The following DNMT3B variants were observed in gnomAD, a reference collection of about 807,000 sequenced individuals.
The protein encoded by DNMT3B is DNA methyltransferase 3 beta.
Under a neutral mutation model 120.2 loss-of-function variants are expected in DNMT3B, and 37 were observed. The ratio of observed to expected loss-of-function variants is 0.31; its 90% confidence interval spans 0.24 to 0.40. DNMT3B has a LOEUF of 0.40. DNMT3B is among the 10% of genes least tolerant of loss of function. The pLI, the probability that DNMT3B is intolerant of heterozygous loss-of-function variation, is 1.00. For missense variants in DNMT3B, 878 were observed against 1,137.3 expected, an observed-to-expected ratio of 0.77 and a Z score of 3.28; for synonymous variants, 412 against 442.8, an observed-to-expected ratio of 0.93 and a Z score of 0.87.
chr20:32,807,730 G>T, intron 22 of DNMT3B, 32 bp from the exon 23 acceptor site: 1 of 1,613,250 alleles, frequency 6.2e-7, no homozygotes, highest in South Asian at 1.1e-5. Flanking sequence ...AGGCACTTCT[G>T]ACTTGCTGTC....
intron 11 of DNMT3B, 43 bp from the exon 12 acceptor site, chr20:32,795,607 C>A: frequency 6.2e-7 from 1 of 1,614,166 alleles, no homozygotes; most frequent in Non-Finnish European, 8.5e-7. Context: ...GATCTGTACC[C>A]GGCTCCCTGA....
chr20:32,763,106 G>T (rs773758020), intron 1 of DNMT3B, among the ~76,000 whole-genome samples: 4 of 152,150 alleles, frequency 2.6e-5, no homozygotes, highest in African/African-American at 4.8e-5. Flanking sequence ...TGGGCAGGGG[G>T]TGTAATTACC....
rs527620950 is a variant in DNMT3B, at chr20:32,805,250, T to G, written c.2232-88T>G. Reference sequence around the variant, plus strand: ...GCCAAGTTCACTGCCAGGGCACATCTCTGCAACATAGACCCTCACTCCCAC... The same window carrying G: ...GCCAAGTTCACTGCCAGGGCACATCGCTGCAACATAGACCCTCACTCCCAC... On this transcript the variant is annotated intron_variant, in intron 20 of 22. Coordinates refer to ENST00000328111, the MANE Select transcript of DNMT3B (RefSeq NM_006892.4). The G allele has an allele frequency of 2.9e-5, 44 of 1,499,698 alleles. No individual in the cohort carries two copies. In the South Asian group the frequency reaches 4.6e-4, roughly 16 times the overall value. 92.9% of individuals were successfully genotyped at this position (1,499,698 alleles called of 1,614,324 possible). A position where few individuals can be genotyped will look rare whatever the true frequency, so the allele number is the denominator to read the frequency against.
chr20:32,766,559 T>C (rs1197294086), intron 1 of DNMT3B, among the ~76,000 whole-genome samples: 1 of 152,172 alleles, frequency 6.6e-6, no homozygotes, highest in Non-Finnish European at 1.5e-5. Context: ...CAAAATAGCA[T>C]AGGTATGACC....
intron 1 of DNMT3B, among the ~76,000 whole-genome samples, chr20:32,774,342 T>C (rs910896413): frequency 6.6e-6 from 1 of 152,068 alleles, no homozygotes; most frequent in Middle Eastern, 3.4e-3. Flanking sequence ...CCGGAGTAGC[T>C]GGGACTACAG....
At position 32,798,625 on chromosome 20, in the gene DNMT3B, T is replaced by G; in HGVS notation, c.1656T>G (p.Ser552Arg). 1.2e-6 allele frequency: 2 copies of G among 1,613,988 alleles called. No homozygotes were observed. Among genetic ancestry groups the G allele is most frequent in the Non-Finnish European group, 1.7e-6 (2 of 1,180,046 alleles). ...WNVRLQAFFT[S>R]DTGLEYEAPK... ...TGCGCCTGCAGGCCTTCTTCACCAG[T>G]GACACGGGGCTTGAATATGTAAGCC... Residue 552 changes from serine to arginine, a missense_variant, in exon 15 of 23, where the codon AGT (serine) becomes AGG (arginine). By Grantham distance (110) the Ser-to-Arg change is moderately radical (BLOSUM62 -1). Coordinates refer to ENST00000328111, the MANE Select transcript of DNMT3B (RefSeq NM_006892.4).
At chr20:32,799,389 C>G (rs1981049436) in intron 16 of DNMT3B, 61 bp downstream of exon 16, 5 of 1,563,744 alleles carry the variant, frequency 3.2e-6, no homozygotes, top group Non-Finnish European at 4.4e-6. Context: ...GCCAGGGAGT[C>G]AGAAGGCATG....
chr20:32,805,502 T>TC, intron 21 of DNMT3B, 95 bp downstream of exon 21: 2 of 1,436,000 alleles, frequency 1.4e-6, no homozygotes, highest in Non-Finnish European at 1.9e-6. Flanking sequence ...TTCCTACTCC[T>TC]CCCCCCACGT....
intron 16 of DNMT3B, among the ~76,000 whole-genome samples, chr20:32,799,629 C>CT: frequency 6.6e-6 from 1 of 152,262 alleles, no homozygotes; most frequent in South Asian, 2.1e-4. Context: ...AAGTGATTCT[C>CT]TCCTCAGCCT....
At position 32,762,601 on chromosome 20, in the gene DNMT3B, C is replaced by T. The variant is rs767131541; in HGVS notation, c.-105C>T. The T allele has an allele frequency of 9.2e-6, 3 of 325,232 alleles. No homozygotes were observed. The highest frequency in any genetic ancestry group is 6.8e-5 in the South Asian group (3 of 44,336). 20.1% of individuals were successfully genotyped at this position (325,232 alleles called of 1,614,324 possible). A position where few individuals can be genotyped will look rare whatever the true frequency, so the allele number is the denominator to read the frequency against. On this transcript the variant is annotated 5_prime_UTR_variant, in exon 1 of 23. Coordinates refer to ENST00000328111, the MANE Select transcript of DNMT3B (RefSeq NM_006892.4). The stretch of plus-strand genomic sequence containing the variant: ...CTCGGCGATCGGCGCCGGAGATTCG[C>T]GAGCCCAGCGCCCTGCACGGCCGCC...
intron 1 of DNMT3B, among the ~76,000 whole-genome samples, chr20:32,772,038 T>G (rs547487839): frequency 1.3e-5 from 2 of 152,342 alleles, no homozygotes; most frequent in East Asian, 3.9e-4. Flanking sequence ...TTGTTTTCAC[T>G]TTACATAACT....
In DNMT3B at chr20:32,784,828, G is replaced by A. The variant is rs201395541; in HGVS notation, c.275G>A (p.Arg92Gln). The A allele has an allele frequency of 1.5e-5, 24 of 1,614,044 alleles. No individual in the cohort carries two copies. The highest frequency in any genetic ancestry group is 2.0e-5 in the Non-Finnish European group (24 of 1,180,010). ...ACCCCAGTCATGCCAAAGCTCTTCC[G>A]GGAAACCAGGACTCGTTCAGAAAGC... is the stretch of plus-strand genomic sequence containing the variant. ...SDTPVMPKLF[R>Q]ETRTRSESPA... The change falls in exon 4 of 23, where the codon CGG becomes CAG. Residue 92 changes from arginine (R) to glutamine (Q), a missense_variant. Physicochemically the swap from Arg to Gln is conservative, Grantham distance 43. Around this residue, in one of 4 missense-constraint regions of DNMT3B, gnomAD observed 287 missense variants for 306.2 expected, o/e 0.94. Coordinates refer to ENST00000328111, the MANE Select transcript of DNMT3B (RefSeq NM_006892.4).
Position 32,777,116 on chromosome 20 carries a change from G to A in DNMT3B, c.-6-3202G>A, listed in dbSNP as rs531909698. Among the ~76,000 whole-genome samples, 122 of 152,298 alleles carry A rather than the reference G, an allele frequency of 8.0e-4. 1 individual carries two copies. The highest frequency in any genetic ancestry group is 1.5e-3 in the Non-Finnish European group (103 of 68,030). On this transcript the variant is annotated intron_variant, in intron 1 of 22. Coordinates refer to ENST00000328111, the MANE Select transcript of DNMT3B (RefSeq NM_006892.4). Reference sequence around the variant, plus strand: ...ATGAAATCACATTGAATTATGCAACGAGAAGAAAGCATATATAAGTGCTCA... The same window carrying A: ...ATGAAATCACATTGAATTATGCAACAAGAAGAAAGCATATATAAGTGCTCA...
chr20:32,788,734 T>C (rs531439054), intron 6 of DNMT3B, 120 bp from the exon 7 acceptor site: 1 of 1,294,052 alleles, frequency 7.7e-7, no homozygotes, highest in Non-Finnish European at 1.1e-6. Context: ...CCACGGTGTC[T>C]GGCTACATCT....
At chr20:32,797,965 C>T (rs546155684) in intron 14 of DNMT3B, among the ~76,000 whole-genome samples, 15 of 152,226 alleles carry the variant, frequency 9.9e-5, no homozygotes, top group Admixed American at 6.5e-5. Context: ...CATGATCCAC[C>T]GTGCCTGGCC....
At chr20:32,792,133 T>C (rs140610540) in intron 8 of DNMT3B, among the ~76,000 whole-genome samples, 249 of 152,286 alleles carry the variant, frequency 1.6e-3, no homozygotes, top group African/African-American at 5.5e-3. Context: ...TCCCCCCACC[T>C]TTGTTCAGCA....
At chr20:32,788,748 A>T in intron 6 of DNMT3B, 106 bp from the exon 7 acceptor site, 2 of 1,461,840 alleles carry the variant, frequency 1.4e-6, no homozygotes, top group Non-Finnish European at 1.9e-6. Context: ...TACATCTTGC[A>T]TTTTATGGCA....
At position 32,795,532 on chromosome 20, in the gene DNMT3B, G is replaced by A. The variant is rs753480369; in HGVS notation, c.1250G>A (p.Arg417Gln). Reference protein sequence around the residue: ...GKDRGDEDQSREQMASDVANN... With the variant: ...GKDRGDEDQSQEQMASDVANN... ...GACCGAGGGGATGAAGATCAGAGCCGAGGTGATTGTTGGGTACCTGGGATC... is the reference window on the plus strand; with the variant it reads ...GACCGAGGGGATGAAGATCAGAGCCAAGGTGATTGTTGGGTACCTGGGATC... Residue 417 changes from arginine to glutamine, a missense_variant and splice_region_variant, in exon 11 of 23, where the codon CGA becomes CAA. Physicochemically the swap from Arg to Gln is conservative, Grantham distance 43 (BLOSUM62 1). Around this residue, in one of 4 missense-constraint regions of DNMT3B, gnomAD observed 207 missense variants for 222.6 expected, o/e 0.93. Transcript: ENST00000328111. 7 of 1,614,062 alleles carry A rather than the reference G, an allele frequency of 4.3e-6. No homozygotes were observed. The highest frequency in any genetic ancestry group is 2.7e-5 in the African/African-American group (2 of 74,932).
In DNMT3B at chr20:32,763,362, A is replaced by AAG. The variant is rs112302805; in HGVS notation, c.-7+664_-7+665dup. Among the ~76,000 whole-genome samples, 33 of 152,298 alleles carry AAG rather than the reference A, an allele frequency of 2.2e-4. 2 individuals are homozygous for AAG. Among genetic ancestry groups the AAG allele is most frequent in the Middle Eastern group, 3.4e-3 (1 of 294 alleles). On this transcript the variant is annotated intron_variant, in intron 1 of 22. Coordinates refer to ENST00000328111, the MANE Select transcript of DNMT3B (RefSeq NM_006892.4). ...CGGGGTGCTCCTGAGCTGAGCCATCAAGCGCGGGGAGCAGCGGGGCTGCCC... is the reference window on the plus strand; with the variant it reads ...CGGGGTGCTCCTGAGCTGAGCCATCAAGAGCGCGGGGAGCAGCGGGGCTGCCC...
Sources: gnomAD v4.1 joint callset for allele counts (sites outside exome capture counted in the v4.1 genomes callset) on GRCh38, gnomAD v4.1.1 for gene constraint, gnomAD v4.1.1 regional missense constraint, MANE v1.5 for transcripts, NCBI Gene and HGNC (gene_info 2026-07-23, HGNC 2026-07-21) for gene names.